Variants in FAM184B observed in about 807,000 individuals in gnomAD.
FAM184B encodes the protein family with sequence similarity 184 member B.
In FAM184B, 111 loss-of-function variants were observed where a neutral mutation model predicts 135.9. The observed-to-expected ratio is 0.82, with a 90% CI of 0.70 to 0.96. The LOEUF (loss-of-function observed/expected upper bound fraction) is 0.96, where lower values mean the gene tolerates loss of function less well. FAM184B is among the 40% of genes least tolerant of loss of function. The pLI, the probability that FAM184B is intolerant of heterozygous loss-of-function variation, is 0.00. For synonymous variants in FAM184B, 552 were observed against 524.8 expected (o/e 1.05, Z -0.71); for missense variants, 1,375 against 1,323.9 (o/e 1.04, Z -0.60).
At chr4:17,764,374 T>C (rs559021517) in intron 1 of FAM184B, among the ~76,000 whole-genome samples, 2 of 152,292 alleles carry the variant, frequency 1.3e-5, no homozygotes, top group African/African-American at 4.8e-5. Context: ...GCACCTCTAA[T>C]CTGGAAGGGC....
In FAM184B at chr4:17,705,125, C is replaced by T. The variant is rs1210024596; in HGVS notation, c.1252G>A (p.Glu418Lys). 5.2e-6 allele frequency: 8 copies of T among 1,551,664 alleles called. 1 individual carries two copies. In the African/African-American group the frequency reaches 9.6e-5, roughly 19 times the overall value. The part of the protein sequence containing the change: ...EDLRKIKHQT[E>K]EEKKHLKDQL... ...TCTTTGAGATGTTTCTTCTCCTCTT[C>T]TGTCTGATGTTTGATTTTACGAAGG... Residue 418 changes from glutamate (E) to lysine (K), a missense_variant, in exon 5 of 18, where the codon GAA becomes AAA. Transcript: ENST00000265018.
chr4:17,780,284 T>C (rs887917923), intron 1 of FAM184B, among the ~76,000 whole-genome samples: 3 of 152,136 alleles, frequency 2.0e-5, no homozygotes, highest in African/African-American at 4.8e-5. Context: ...GGACCTGACC[T>C]CTCCCTGGCG....
intron 1 of FAM184B, among the ~76,000 whole-genome samples, chr4:17,749,131 C>A (rs1433663162): frequency 6.6e-6 from 1 of 151,684 alleles, no homozygotes; most frequent in Non-Finnish European, 1.5e-5. Flanking sequence ...CTATGCTCAG[C>A]TTAAAATATC....
intron 1 of FAM184B, among the ~76,000 whole-genome samples, chr4:17,741,034 C>A (rs1718021546): frequency 2.0e-5 from 3 of 152,188 alleles, no homozygotes; most frequent in Admixed American, 2.0e-4. Flanking sequence ...CTTATGCGCA[C>A]ATCTCTCTTT....
intron 15 of FAM184B, among the ~76,000 whole-genome samples, chr4:17,635,917 C>T (rs867526695): frequency 1.3e-5 from 2 of 152,068 alleles, no homozygotes; most frequent in South Asian, 2.1e-4. Flanking sequence ...AAAAGAAGAT[C>T]AACAATAAAA....
intron 7 of FAM184B, among the ~76,000 whole-genome samples, chr4:17,674,036 T>A (rs550571596): frequency 2.1e-3 from 322 of 152,260 alleles, no homozygotes; most frequent in Middle Eastern, 0.014. Context: ...TAAAGGAATT[T>A]CTTCAAGTTG....
chr4:17,770,727 A>G (rs1718803023), intron 1 of FAM184B, among the ~76,000 whole-genome samples: 1 of 152,128 alleles, frequency 6.6e-6, no homozygotes, highest in Non-Finnish European at 1.5e-5. Context: ...CGGCCTCCCA[A>G]AGTGCTGGGA....
In FAM184B at chr4:17,662,076, C is replaced by T. The variant is rs555892500; in HGVS notation, c.1695-1989G>A. 2.6e-5 allele frequency among the ~76,000 whole-genome samples: 4 copies of T among 152,336 alleles called. No individual in the cohort carries two copies. The East Asian group carries it at 7.7e-4, about 29-fold the overall frequency. On this transcript the variant is annotated intron_variant, in intron 8 of 17. Transcript: ENST00000265018. ...ATCACTTTTGCCTGAGCTTAAGCAT[C>T]ATACAAACAGAATCACGTGGGATGC...
At chr4:17,725,051 C>T (rs1717610784) in intron 1 of FAM184B, among the ~76,000 whole-genome samples, 1 of 152,154 alleles carries the variant, frequency 6.6e-6, no homozygotes, top group Non-Finnish European at 1.5e-5. Flanking sequence ...GGGGGACTCA[C>T]CGCTGCAGAG....
intron 7 of FAM184B, among the ~76,000 whole-genome samples, chr4:17,687,637 C>T (rs1417486100): frequency 6.6e-6 from 1 of 152,070 alleles, no homozygotes; most frequent in Non-Finnish European, 1.5e-5. Flanking sequence ...TATAAGAAGG[C>T]TGTGTGAAGG....
At chr4:17,641,643 C>CTTTT (rs34886078) in intron 13 of FAM184B, among the ~76,000 whole-genome samples, 18 of 24,378 alleles carry the variant, frequency 7.4e-4, no homozygotes, top group East Asian at 2.4e-3. Context: ...CACGCCCGGC[C>CTTTT]TTTTTTTTTT....
intron 15 of FAM184B, 57 bp downstream of exon 15, chr4:17,636,471 G>C: frequency 7.4e-7 from 1 of 1,356,626 alleles, no homozygotes; most frequent in Non-Finnish European, 1.0e-6. Flanking sequence ...GCCCCTCCCG[G>C]GGGAGCCCGC....
intron 1 of FAM184B, among the ~76,000 whole-genome samples, chr4:17,736,570 A>G (rs1208543176): frequency 6.6e-6 from 1 of 152,198 alleles, no homozygotes; most frequent in Non-Finnish European, 1.5e-5. Context: ...TTCAGCCTTC[A>G]TCAGTTCTCA....
At chr4:17,638,276 C>A (rs1330619653) in intron 14 of FAM184B, among the ~76,000 whole-genome samples, 3 of 151,510 alleles carry the variant, frequency 2.0e-5, no homozygotes, top group African/African-American at 7.3e-5. Context: ...GCAACCTCAA[C>A]CTCCTGAGCT....
intron 1 of FAM184B, among the ~76,000 whole-genome samples, chr4:17,739,607 G>A (rs1365571032): frequency 8.6e-6 from 1 of 116,840 alleles, no homozygotes; most frequent in Admixed American, 1.3e-4. Context: ...AGGCTGGAGT[G>A]CAGTGGCGCC....
At chr4:17,640,850 T>C (rs530198132) in intron 13 of FAM184B, among the ~76,000 whole-genome samples, 2 of 152,298 alleles carry the variant, frequency 1.3e-5, no homozygotes, top group African/African-American at 4.8e-5. Context: ...AACCAAGCGT[T>C]TCATTCATGC....
intron 9 of FAM184B, among the ~76,000 whole-genome samples, chr4:17,659,215 C>T (rs902507894): frequency 3.3e-5 from 5 of 151,628 alleles, no homozygotes; most frequent in Non-Finnish European, 7.4e-5. Flanking sequence ...AAGCGACCCT[C>T]CCGCCTCAGC....
At chr4:17,651,060 C>T (rs1715602518) in intron 11 of FAM184B, among the ~76,000 whole-genome samples, 1 of 152,114 alleles carries the variant, frequency 6.6e-6, no homozygotes, top group Admixed American at 6.6e-5. Context: ...AAGGAGAGCC[C>T]TGTCTAGGTT....
chr4:17,664,780 C>G (rs1209984982), intron 7 of FAM184B, 121 bp from the exon 8 acceptor site: 1 of 762,490 alleles, frequency 1.3e-6, no homozygotes, highest in Admixed American at 2.8e-5. Flanking sequence ...CCCCAGCAAC[C>G]CACTATCGGT....
Sources: allele counts gnomAD v4.1 joint callset (sites outside exome capture counted in the v4.1 genomes callset), GRCh38; gene constraint gnomAD v4.1.1; transcripts MANE v1.5; gene names NCBI Gene and HGNC (gene_info 2026-07-23, HGNC 2026-07-21).